Variants in TTC29 observed in about 807,000 individuals in gnomAD.
The protein encoded by TTC29 is tetratricopeptide repeat protein 29.
A neutral mutation model predicts 58.1 loss-of-function variants in TTC29; 49 were observed. The observed-to-expected ratio is 0.84, with a 90% CI of 0.67 to 1.07. TTC29 has a LOEUF of 1.07. TTC29 is among the 50% of genes least tolerant of loss of function. TTC29 has a pLI of 0.00. For missense variants in TTC29, 582 were observed against 555.6 expected, an observed-to-expected ratio of 1.05 and a Z score of -0.48; for synonymous variants, 209 against 196.8, an observed-to-expected ratio of 1.06 and a Z score of -0.52.
At chr4:146,811,851 CTA>C (rs1287368580) in intron 10 of TTC29, among the ~76,000 whole-genome samples, 1 of 152,186 alleles carries the variant, frequency 6.6e-6, no homozygotes, top group Non-Finnish European at 1.5e-5. Flanking sequence ...ACATATAACA[CTA>C]TCTTATATGC....
intron 11 of TTC29, among the ~76,000 whole-genome samples, chr4:146,727,352 G>A (rs566930867): frequency 9.9e-5 from 15 of 152,138 alleles, no homozygotes; most frequent in African/African-American, 2.7e-4. Context: ...TTGACAAATC[G>A]TTATCACCCA....
At chr4:146,905,473 T>C (rs1184459965) in intron 5 of TTC29, among the ~76,000 whole-genome samples, 1 of 151,644 alleles carries the variant, frequency 6.6e-6, no homozygotes, top group Non-Finnish European at 1.5e-5. Flanking sequence ...AGATTACATA[T>C]TTAAAGACTA....
chr4:146,778,224 CTTTA>C (rs962526132), intron 11 of TTC29, among the ~76,000 whole-genome samples: 3 of 151,914 alleles, frequency 2.0e-5, no homozygotes, highest in East Asian at 1.9e-4. Context: ...AATTCATATA[CTTTA>C]TTTATTTTTC....
At position 146,931,856 on chromosome 4, in the gene TTC29, T is replaced by C. The variant is rs187132991; in HGVS notation, c.176+5738A>G. Reference sequence around the variant, plus strand: ...TTTTGGTGAAAATTTGAGACCATTTTTTTGTACCTAGTGAACATTGTTGTT... The same window carrying C: ...TTTTGGTGAAAATTTGAGACCATTTCTTTGTACCTAGTGAACATTGTTGTT... On this transcript the variant is annotated intron_variant, in intron 4 of 12. Coordinates refer to ENST00000325106, the MANE Select transcript of TTC29 (RefSeq NM_031956.4). Among the ~76,000 whole-genome samples the C allele has an allele frequency of 2.4e-4, 36 of 152,302 alleles. No individual in the cohort carries two copies. In the East Asian group the frequency reaches 4.4e-3, roughly 19 times the overall value.
chr4:146,875,265 C>T (rs1057118247), intron 6 of TTC29, among the ~76,000 whole-genome samples: 2 of 152,178 alleles, frequency 1.3e-5, no homozygotes, highest in African/African-American at 4.8e-5. Flanking sequence ...GTATGCCATG[C>T]ACTCTGCTGT....
intron 6 of TTC29, among the ~76,000 whole-genome samples, chr4:146,886,841 C>A (rs1210380499): frequency 6.6e-6 from 1 of 152,026 alleles, no homozygotes; most frequent in Non-Finnish European, 1.5e-5. Flanking sequence ...GTTTCCATCC[C>A]GGCTCTGACA....
intron 11 of TTC29, among the ~76,000 whole-genome samples, chr4:146,715,397 T>C (rs1160671392): frequency 1.3e-5 from 2 of 152,166 alleles, no homozygotes; most frequent in Non-Finnish European, 2.9e-5. Context: ...GAAGAAAATG[T>C]AGTGTATATA....
At chr4:146,740,228 G>A (rs530704946) in intron 11 of TTC29, among the ~76,000 whole-genome samples, 13 of 152,234 alleles carry the variant, frequency 8.5e-5, no homozygotes, top group African/African-American at 3.1e-4. Context: ...GACACAGCAG[G>A]GAAAGTAATG....
chr4:146,881,323 A>G (rs2150232870), intron 6 of TTC29, among the ~76,000 whole-genome samples: 1 of 152,254 alleles, frequency 6.6e-6, no homozygotes, highest in South Asian at 2.1e-4. Flanking sequence ...CATAAGACCT[A>G]TTTCTTCAGC....
intron 11 of TTC29, among the ~76,000 whole-genome samples, chr4:146,713,884 T>C (rs1742722402): frequency 6.6e-6 from 1 of 152,204 alleles, no homozygotes; most frequent in African/African-American, 2.4e-5. Flanking sequence ...TGAGAATATC[T>C]GATTCAGGTC....
At position 146,920,976 on chromosome 4, in the gene TTC29, C is replaced by T. The variant is rs181371922; in HGVS notation, c.177-11727G>A. 4.6e-5 allele frequency among the ~76,000 whole-genome samples: 7 copies of T among 151,232 alleles called. No homozygotes were observed. The East Asian group carries it at 5.8e-4, about 13-fold the overall frequency. On this transcript the variant is annotated intron_variant, in intron 4 of 12. Transcript: ENST00000325106. The stretch of plus-strand genomic sequence containing the variant: ...TTTGACTCAACATATTTTGATTTTC[C>T]CCTTATCTAAAAATAAAATTAGAAT...
rs70958534 is a variant in TTC29 at position 146,930,084 on chromosome 4, CATATATATATAT to C, written c.176+7498_176+7509del. On this transcript the variant is annotated intron_variant, in intron 4 of 12. Transcript: ENST00000325106. ...CTACATATATTTGTATGTGTGTGTGCATATATATATATATATATATATATATATATATATACA... is the reference window on the plus strand; with the variant it reads ...CTACATATATTTGTATGTGTGTGTGCATATATATATATATATATATATACA... Among the ~76,000 whole-genome samples the C allele has an allele frequency of 6.0e-3, 468 of 77,436 alleles. 5 individuals carry two copies. Among genetic ancestry groups the C allele is most frequent in the Admixed American group, 0.014 (84 of 5,940 alleles). 50.8% of individuals were successfully genotyped at this position (77,436 alleles called of 152,430 possible). A position where few individuals can be genotyped will look rare whatever the true frequency, so the allele number is the denominator to read the frequency against.
intron 1 of TTC29, chr4:146,945,288 A>G (rs200838577): frequency 2.0e-5 from 3 of 152,208 alleles, no homozygotes; most frequent in Non-Finnish European, 2.9e-5. Flanking sequence ...AAATGCCAAA[A>G]CATCTGAAAT....
intron 9 of TTC29, 75 bp downstream of exon 9, chr4:146,833,731 A>G: frequency 8.6e-7 from 1 of 1,161,256 alleles, no homozygotes; most frequent in East Asian, 2.4e-5. Context: ...GGAAAGCGAC[A>G]GACCTCAAAC....
chr4:146,712,532 T>A (rs894760613), intron 11 of TTC29, among the ~76,000 whole-genome samples: 1 of 152,126 alleles, frequency 6.6e-6, no homozygotes, highest in Admixed American at 6.6e-5. Context: ...AATTTTGGCC[T>A]CATTAGCACT....
intron 11 of TTC29, among the ~76,000 whole-genome samples, chr4:146,722,628 G>GA (rs983062812): frequency 2.7e-5 from 4 of 150,194 alleles, no homozygotes; most frequent in Admixed American, 6.6e-5. Context: ...ATATGCAGAA[G>GA]AAAAAAAAAT....
intron 9 of TTC29, among the ~76,000 whole-genome samples, chr4:146,824,419 T>C (rs1337139747): frequency 1.3e-5 from 2 of 152,216 alleles, no homozygotes; most frequent in African/African-American, 4.8e-5. Flanking sequence ...GATTTGCTTA[T>C]GTTGAGCCAG....
intron 6 of TTC29, among the ~76,000 whole-genome samples, chr4:146,889,384 A>G (rs1046624842): frequency 6.6e-6 from 1 of 152,150 alleles, no homozygotes; most frequent in Non-Finnish European, 1.5e-5. Flanking sequence ...AATTTTTAAA[A>G]TTATAACTAA....
chr4:146,780,302 G>GTGTGTGT (rs1748487159), intron 11 of TTC29, among the ~76,000 whole-genome samples: 2 of 138,456 alleles, frequency 1.4e-5, no homozygotes, highest in African/African-American at 5.3e-5. Context: ...CCTAACTTGG[G>GTGTGTGT]GTGTGTGTGT....
Sources: gnomAD v4.1 joint callset for allele counts (sites outside exome capture counted in the v4.1 genomes callset) on GRCh38, gnomAD v4.1.1 for gene constraint, MANE v1.5 for transcripts, NCBI Gene and HGNC (gene_info 2026-07-23, HGNC 2026-07-21) for gene names.